USP22: variants seen among roughly 807,000 people sequenced by gnomAD.
USP22 encodes the protein ubiquitin carboxyl-terminal hydrolase 22.
USP22 carries 22 observed loss-of-function variants against 68.1 expected under a neutral mutation model. The ratio of observed to expected loss-of-function variants is 0.32; its 90% CI spans 0.23 to 0.46. The LOEUF (loss-of-function observed/expected upper bound fraction) is 0.46. Among genes scored for constraint, USP22 ranks in the 20% least tolerant of loss-of-function variants. The pLI is 1.00. For synonymous variants in USP22, 279 were observed against 274.2 expected, an observed-to-expected ratio of 1.02 and a Z score of -0.17; for missense variants, 433 against 695.8, an observed-to-expected ratio of 0.62 and a Z score of 4.25.
rs1449772571 is a variant in USP22 at position 21,021,091 on chromosome 17, G to A, written c.418+22C>T. On this transcript the variant is annotated intron_variant, in intron 3 of 12. Coordinates refer to ENST00000261497, the MANE Select transcript of USP22 (RefSeq NM_015276.2). ...ATGAGGGAACTGCAGGATCAAGCAGGTAAACTGAGGTGGAACCAAACCTTG... is the reference window on the plus strand; with the variant it reads ...ATGAGGGAACTGCAGGATCAAGCAGATAAACTGAGGTGGAACCAAACCTTG... The A allele has an allele frequency of 4.4e-6, 7 of 1,585,418 alleles. No individual in the cohort carries two copies. In the South Asian group the frequency reaches 6.6e-5, roughly 15 times the overall value.
intron 2 of USP22, 79 bp downstream of exon 2, chr17:21,028,463 G>C: frequency 1.4e-5 from 22 of 1,574,816 alleles, no homozygotes; most frequent in African/African-American, 4.0e-5. Context: ...TTTTGGAAGA[G>C]TGGAACTGCA....
chr17:21,002,806 C>T lies in USP22; in HGVS notation c.*225G>A. 1.9e-6 allele frequency: 1 copy of T among 534,306 alleles called. No individual in the cohort carries two copies. The highest frequency in any genetic ancestry group is 3.4e-6 in the Non-Finnish European group (1 of 292,822). The allele number at this position is 534,306 out of a possible 1,614,324, so 33.1% of individuals were successfully genotyped here. A position where few individuals can be genotyped will look rare whatever the true frequency, so the allele number is the denominator to read the frequency against. On this transcript the variant is annotated 3_prime_UTR_variant, in exon 13 of 13. Transcript: ENST00000261497. ...GCTGCTCCTCCCACCCAGAGCACACCCCTCATCTCATCCATCTTCAAAGCA... is the reference window on the plus strand; with the variant it reads ...GCTGCTCCTCCCACCCAGAGCACACTCCTCATCTCATCCATCTTCAAAGCA...
chr17:21,021,535 T>C (rs1001340134), intron 2 of USP22, among the ~76,000 whole-genome samples: 2 of 152,184 alleles, frequency 1.3e-5, no homozygotes, highest in African/African-American at 4.8e-5. Context: ...GCGTGGTATT[T>C]AAAACTGGTA....
chr17:21,020,119 T>G (rs998160117), intron 3 of USP22, among the ~76,000 whole-genome samples: 6 of 152,042 alleles, frequency 3.9e-5, no homozygotes, highest in Non-Finnish European at 5.9e-5. Flanking sequence ...TATGTTTCCT[T>G]TGCAAACAGT....
At chr17:21,018,404 C>A in intron 4 of USP22, 1 of 247,778 alleles carries the variant, frequency 4.0e-6, no homozygotes, top group Non-Finnish European at 7.6e-6. Context: ...GCCTAATGAA[C>A]AAACAAAACA....
At chr17:21,008,096 C>A in intron 8 of USP22, 100 bp from the exon 9 acceptor site, 1 of 1,388,184 alleles carries the variant, frequency 7.2e-7, no homozygotes. Context: ...GTTGATTTCC[C>A]TACCAAAAAC....
In USP22 at chr17:21,006,889, C is replaced by T. The variant is rs755583798; in HGVS notation, c.1322+7G>A. On this transcript the variant is annotated splice_region_variant and intron_variant, in intron 10 of 12. Coordinates refer to ENST00000261497, the MANE Select transcript of USP22 (RefSeq NM_015276.2). Reference sequence around the variant, plus strand: ...AGGACACAGAACGGGCCTACAACCCCACATACCTGGAGGCCATGAAAGGGG... The same window carrying T: ...AGGACACAGAACGGGCCTACAACCCTACATACCTGGAGGCCATGAAAGGGG... 3.8e-6 allele frequency: 6 copies of T among 1,598,134 alleles called. No homozygotes were observed. Among genetic ancestry groups the T allele is most frequent in the Non-Finnish European group, 5.1e-6 (6 of 1,172,090 alleles).
intron 1 of USP22, among the ~76,000 whole-genome samples, chr17:21,031,864 C>T (rs1238814069): frequency 2.6e-5 from 4 of 152,218 alleles, no homozygotes; most frequent in Non-Finnish European, 5.9e-5. Flanking sequence ...CCTTATGGAG[C>T]CAACACAGCT....
At position 21,019,075 on chromosome 17, in the gene USP22, T is replaced by TC; in HGVS notation, c.520+8dup. On this transcript the variant is annotated intron_variant, in intron 4 of 12. Coordinates refer to ENST00000261497, the MANE Select transcript of USP22 (RefSeq NM_015276.2). ...AGCCTAGCTGAGAGTGACGACACGC[T>TC]CCACCCACCTATGGTGCAGTTCGAG... 1.2e-6 allele frequency: 2 copies of TC among 1,613,820 alleles called. No homozygotes were observed. Among genetic ancestry groups the TC allele is most frequent in the Non-Finnish European group, 1.7e-6 (2 of 1,179,716 alleles).
rs760840249 is a variant in USP22, at chr17:21,006,985, T to C, written c.1233A>G (p.Arg411=). 6.3e-7 allele frequency: 1 copy of C among 1,599,026 alleles called. No homozygotes were observed. The highest frequency in any genetic ancestry group is 2.3e-5 in the East Asian group (1 of 44,210). Residue 411 remains arginine, a splice_region_variant and synonymous_variant, in exon 10 of 13, where the codon CGA becomes CGG. Coordinates refer to ENST00000261497, the MANE Select transcript of USP22 (RefSeq NM_015276.2). ...GCCGCAGCTTGGCTGAGTGTTCAAA[T>C]CGCTGCAGAAATAGGAAGGGGACAG... The part of the protein sequence containing the change: ...LPIVACFHLK[R]FEHSAKLRRK...
chr17:21,030,738 T>C (rs1230890336), intron 1 of USP22, among the ~76,000 whole-genome samples: 2 of 152,166 alleles, frequency 1.3e-5, no homozygotes, highest in African/African-American at 4.8e-5. Context: ...AAAAATAGGC[T>C]AGGAATTTCT....
At chr17:21,043,366 A>T, upstream of USP22, 1 of 194,022 alleles carries the variant, frequency 5.2e-6, no homozygotes, top group Non-Finnish European at 9.7e-6. Flanking sequence ...TCTGGTACAG[A>T]GCCGCCTCCC....
intron 10 of USP22, 151 bp downstream of exon 10, chr17:21,006,745 T>A: frequency 4.0e-6 from 2 of 499,742 alleles, no homozygotes; most frequent in Non-Finnish European, 7.1e-6. Flanking sequence ...CCTCATGATC[T>A]GCCCGCTTCG....
At position 21,015,773 on chromosome 17, in the gene USP22, C is replaced by G; in HGVS notation, c.817G>C (p.Val273Leu). 1 of 1,613,348 alleles carries G rather than the reference C, an allele frequency of 6.2e-7. No individual in the cohort carries two copies. The highest frequency in any genetic ancestry group is 8.5e-7 in the Non-Finnish European group (1 of 1,179,952). The change falls in exon 6 of 13, where the codon GTG (valine) becomes CTG (leucine). Residue 273 changes from valine to leucine, a missense_variant. By Grantham distance (32) the Val-to-Leu change is conservative (BLOSUM62 1). Around this residue, in one of 4 missense-constraint regions of USP22, gnomAD observed 178 missense variants for 351.5 expected, o/e 0.51. Coordinates refer to ENST00000261497, the MANE Select transcript of USP22 (RefSeq NM_015276.2). ...CCACCTTTGCAGTGTCGGTGGAGCA[C>G]GTCCAGGGCCGCGATGAGGAACTCG... is the stretch of plus-strand genomic sequence containing the variant. ...AHEFLIAALD[V>L]LHRHCKGDDN...
chr17:21,003,096 G>A lies in USP22; in HGVS notation c.1536-23C>T, dbSNP rs763718666. On this transcript the variant is annotated intron_variant, in intron 12 of 12. Coordinates refer to ENST00000261497, the MANE Select transcript of USP22 (RefSeq NM_015276.2). ...TACCTGTGGAGGCAGAGAGAGGGAG[G>A]AGGCTCACCTCTAACTCCTAAGACA... 6 of 1,613,686 alleles carry A rather than the reference G, an allele frequency of 3.7e-6. No individual in the cohort carries two copies. In the Admixed American group the frequency reaches 8.3e-5, roughly 22 times the overall value.
chr17:21,013,302 C>T (rs1914024979), intron 6 of USP22, among the ~76,000 whole-genome samples: 1 of 152,184 alleles, frequency 6.6e-6, no homozygotes, highest in African/African-American at 2.4e-5. Context: ...GGGCCAGGTA[C>T]ACCCGGGGAA....
intron 5 of USP22, among the ~76,000 whole-genome samples, chr17:21,016,479 C>G (rs573683654): frequency 1.3e-5 from 2 of 152,346 alleles, no homozygotes; most frequent in African/African-American, 4.8e-5. Context: ...ATACAGAATT[C>G]AGGGCAGTTT....
chr17:21,022,988 A>G (rs1414414809), intron 2 of USP22, among the ~76,000 whole-genome samples: 4 of 152,258 alleles, frequency 2.6e-5, no homozygotes, highest in Non-Finnish European at 5.9e-5. Flanking sequence ...ATGGGATACC[A>G]TGTATACATA....
intron 2 of USP22, among the ~76,000 whole-genome samples, chr17:21,024,327 C>A (rs1011965372): frequency 2.4e-4 from 36 of 152,200 alleles, no homozygotes; most frequent in African/African-American, 8.7e-4. Flanking sequence ...GAAGACGGAT[C>A]ACCATTCCAG....
Sources: allele counts gnomAD v4.1 joint callset (sites outside exome capture counted in the v4.1 genomes callset), GRCh38; gene constraint gnomAD v4.1.1; regional missense constraint gnomAD v4.1.1; transcripts MANE v1.5; gene names NCBI Gene and HGNC (gene_info 2026-07-23, HGNC 2026-07-21).